Variants in PPP1R16B observed in about 807,000 individuals in gnomAD.
The protein encoded by PPP1R16B is protein phosphatase 1 regulatory inhibitor subunit 16B.
Under a neutral mutation model 61.7 loss-of-function variants are expected in PPP1R16B, and 14 were observed. That is an observed-to-expected ratio of 0.23 (90% CI 0.15 to 0.35). The LOEUF is 0.35. Ranked by LOEUF, PPP1R16B falls within the 10% of genes least tolerant of loss-of-function variation. PPP1R16B has a pLI of 1.00. For missense variants in PPP1R16B, 547 were observed against 752.5 expected, an observed-to-expected ratio of 0.73 and a Z score of 3.19; for synonymous variants, 266 against 305.3, an observed-to-expected ratio of 0.87 and a Z score of 1.34.
In PPP1R16B at chr20:38,881,138, G is replaced by A. The variant is rs558444644; in HGVS notation, c.251-8457G>A. 9.8e-5 allele frequency among the ~76,000 whole-genome samples: 15 copies of A among 152,328 alleles called. 1 individual carries two copies. The South Asian group carries it at 3.1e-3, about 32-fold the overall frequency. On this transcript the variant is annotated intron_variant, in intron 2 of 10. Transcript: ENST00000299824. The stretch of plus-strand genomic sequence containing the variant: ...TGAGTCATCACCCAGGATCCCGGGG[G>A]AGCTGCCTGGCAGAGGGGCGGGCTG...
intron 2 of PPP1R16B, among the ~76,000 whole-genome samples, chr20:38,857,309 A>G (rs1211156417): frequency 6.6e-6 from 1 of 152,254 alleles, no homozygotes; most frequent in Non-Finnish European, 1.5e-5. Context: ...GTCAAGGATC[A>G]TCTAGATACT....
intron 2 of PPP1R16B, among the ~76,000 whole-genome samples, chr20:38,856,437 T>G (rs1210711237): frequency 1.3e-5 from 2 of 152,162 alleles, no homozygotes; most frequent in Non-Finnish European, 2.9e-5. Context: ...TGTTGTAAAC[T>G]GTTGTGGTGA....
At chr20:38,846,487 C>T (rs2084936343) in intron 2 of PPP1R16B, among the ~76,000 whole-genome samples, 2 of 152,094 alleles carry the variant, frequency 1.3e-5, no homozygotes, top group Admixed American at 1.3e-4. Context: ...ATCTCAGAAG[C>T]CTGGAAGAAA....
intron 1 of PPP1R16B, among the ~76,000 whole-genome samples, chr20:38,818,754 CTTTTT>C (rs577315309): frequency 2.2e-5 from 3 of 138,264 alleles, no homozygotes; most frequent in Non-Finnish European, 3.2e-5. Context: ...TGATTGTCCT[CTTTTT>C]TTTTTTTTTT....
chr20:38,866,984 G>C (rs924483918), intron 2 of PPP1R16B, among the ~76,000 whole-genome samples: 1 of 152,120 alleles, frequency 6.6e-6, no homozygotes, highest in Non-Finnish European at 1.5e-5. Context: ...GGATTTATCT[G>C]TTCTGGATAT....
At chr20:38,914,709 C>T (rs1018909554) in intron 10 of PPP1R16B, among the ~76,000 whole-genome samples, 1 of 152,168 alleles carries the variant, frequency 6.6e-6, no homozygotes, top group Non-Finnish European at 1.5e-5. Flanking sequence ...GACAGGGTCA[C>T]TCAGGTTAGA....
chr20:38,815,038 ATTTTT>A (rs924716353), intron 1 of PPP1R16B, among the ~76,000 whole-genome samples: 1 of 151,718 alleles, frequency 6.6e-6, no homozygotes, highest in African/African-American at 2.4e-5. Flanking sequence ...AATGTCATTC[ATTTTT>A]TTTCTTTTAT....
chr20:38,846,124 G>T (rs2084934294), intron 2 of PPP1R16B, among the ~76,000 whole-genome samples: 1 of 152,176 alleles, frequency 6.6e-6, no homozygotes, highest in Admixed American at 6.5e-5. Flanking sequence ...GATTTGGAGA[G>T]AATTGAGTTC....
intron 1 of PPP1R16B, among the ~76,000 whole-genome samples, chr20:38,816,070 T>C (rs577077477): frequency 1.1e-4 from 16 of 152,004 alleles, no homozygotes; most frequent in Middle Eastern, 3.4e-3. Flanking sequence ...AGAAAACAAC[T>C]TGATTAGAAG....
chr20:38,891,627 C>G (rs2085293076), intron 3 of PPP1R16B, among the ~76,000 whole-genome samples: 1 of 152,146 alleles, frequency 6.6e-6, no homozygotes, highest in Admixed American at 6.5e-5. Context: ...TGGCAAAACC[C>G]TGTCTTTACT....
chr20:38,873,532 G>A (rs1486550634), intron 2 of PPP1R16B, among the ~76,000 whole-genome samples: 2 of 152,090 alleles, frequency 1.3e-5, no homozygotes, highest in South Asian at 4.1e-4. Flanking sequence ...TGGGCTCAGG[G>A]TCTCTCAGGA....
chr20:38,854,298 C>T (rs534964165), intron 2 of PPP1R16B, among the ~76,000 whole-genome samples: 15 of 152,252 alleles, frequency 9.9e-5, no homozygotes, highest in Admixed American at 2.0e-4. Flanking sequence ...TGGGCAATGG[C>T]GCATATGCTG....
chr20:38,917,729 A>G (rs1190036314), intron 10 of PPP1R16B, among the ~76,000 whole-genome samples: 3 of 152,150 alleles, frequency 2.0e-5, no homozygotes, highest in Admixed American at 1.3e-4. Context: ...GCCTTTCTTC[A>G]TGCCAACTTT....
At chr20:38,841,266 C>G (rs538362702) in intron 2 of PPP1R16B, among the ~76,000 whole-genome samples, 17 of 145,262 alleles carry the variant, frequency 1.2e-4, no homozygotes, top group African/African-American at 3.8e-4. Context: ...GTGGCTAACA[C>G]TTGTTATCCC....
chr20:38,853,370 C>G (rs1420821461), intron 2 of PPP1R16B, among the ~76,000 whole-genome samples: 2 of 152,156 alleles, frequency 1.3e-5, no homozygotes, highest in Non-Finnish European at 2.9e-5. Context: ...GAGGTGAAGA[C>G]TAAGAGAAGA....
At chr20:38,820,482 C>T (rs12625098) in intron 1 of PPP1R16B, among the ~76,000 whole-genome samples, 3 of 151,670 alleles carry the variant, frequency 2.0e-5, no homozygotes, top group Non-Finnish European at 2.9e-5. Context: ...TGCTTGAACC[C>T]GGCAGGTGGA....
At chr20:38,813,329 G>C (rs2084713245) in intron 1 of PPP1R16B, among the ~76,000 whole-genome samples, 1 of 152,246 alleles carries the variant, frequency 6.6e-6, no homozygotes, top group Admixed American at 6.5e-5. Context: ...GGTCACCTGG[G>C]ACTTGTGAGA....
chr20:38,830,999 T>A (rs1368061069), intron 1 of PPP1R16B, among the ~76,000 whole-genome samples: 2 of 152,212 alleles, frequency 1.3e-5, no homozygotes, highest in Admixed American at 1.3e-4. Context: ...TTCAGGATCT[T>A]AGGGCTGAAA....
At chr20:38,869,926 A>T (rs1016937447) in intron 2 of PPP1R16B, among the ~76,000 whole-genome samples, 12 of 145,696 alleles carry the variant, frequency 8.2e-5, no homozygotes, top group East Asian at 4.0e-4. Flanking sequence ...TTATTTATTT[A>T]TTTTTTTTTT....
Sources: allele counts gnomAD v4.1 joint callset (sites outside exome capture counted in the v4.1 genomes callset), GRCh38; gene constraint gnomAD v4.1.1; transcripts MANE v1.5; gene names NCBI Gene and HGNC (gene_info 2026-07-23, HGNC 2026-07-21).